The following IL17RC variants were observed in gnomAD, a reference collection of about 807,000 sequenced individuals.
The protein encoded by IL17RC is interleukin-17 receptor C.
Under a neutral mutation model 86.7 loss-of-function variants are expected in IL17RC, and 53 were observed. That is an observed-to-expected ratio of 0.61 (90% CI 0.49 to 0.77). The LOEUF (loss-of-function observed/expected upper bound fraction) is 0.77. IL17RC is among the 30% of genes least tolerant of loss of function. The pLI is 0.00. For missense variants in IL17RC, 957 were observed against 940.0 expected (o/e 1.02, Z -0.24); for synonymous variants, 439 against 413.1 (o/e 1.06, Z -0.76).
At chr3:9,929,973 T>A in intron 13 of IL17RC, 55 bp from the exon 14 acceptor site, 4 of 1,613,600 alleles carry the variant, frequency 2.5e-6, no homozygotes, top group Non-Finnish European at 3.4e-6. Context: ...GGCAGGCAAG[T>A]GGCCAATCCC....
intron 9 of IL17RC, among the ~76,000 whole-genome samples, chr3:9,926,460 G>C (rs917266580): frequency 2.6e-5 from 4 of 152,302 alleles, no homozygotes; most frequent in African/African-American, 9.6e-5. Context: ...AAATGAATGA[G>C]TGTTTTACTA....
At position 9,920,578 on chromosome 3, in the gene IL17RC, C is replaced by T; in HGVS notation, c.553C>T (p.Leu185Phe). The T allele has an allele frequency of 3.7e-6, 6 of 1,606,672 alleles. No individual in the cohort carries two copies. Among genetic ancestry groups the T allele is most frequent in the Non-Finnish European group, 4.3e-6 (5 of 1,175,676 alleles). Residue 185 changes from leucine (L) to phenylalanine (F), a missense_variant, in exon 6 of 19, where the codon CTC becomes TTC. Transcript: ENST00000403601. ...SYTQPRYEKELNHTQQLPDCR... is the reference protein window; with the variant it reads ...SYTQPRYEKEFNHTQQLPDCR... ...TACTCAGCCCAGGTACGAGAAGGAA[C>T]TCAACCACACACAGCAGCTGCCTGG...
Position 9,933,363 on chromosome 3 carries a change from G to A in IL17RC, c.1933G>A (p.Ala645Thr). The A allele has an allele frequency of 6.2e-7, 1 of 1,612,148 alleles. No homozygotes were observed. ...DRLLHPDAVP[A>T]LFRTVPVFTL... ...GCTGCTCCACCCGGACGCCGTACCC[G>A]CCCTTTTCCGCACCGTGCCCGTCTT... The change falls in exon 19 of 19, where the codon GCC (alanine) becomes ACC (threonine). Residue 645 changes from alanine (A) to threonine (T), a missense_variant. Transcript: ENST00000403601.
intron 12 of IL17RC, chr3:9,929,331 CAA>C (rs35752270): frequency 1.4e-4 from 19 of 131,854 alleles, no homozygotes; most frequent in South Asian, 2.3e-4. Context: ...AACTCCGTCT[CAA>C]AAAAAAAAAA....
intron 6 of IL17RC, 21 bp downstream of exon 6, chr3:9,920,623 T>A (rs1331362650): frequency 6.6e-7 from 1 of 1,508,888 alleles, no homozygotes; most frequent in East Asian, 2.3e-5. Flanking sequence ...CCCCAAGTCC[T>A]GGCCCCCTAG....
intron 9 of IL17RC, among the ~76,000 whole-genome samples, chr3:9,925,122 T>C (rs2083936652): frequency 6.6e-6 from 1 of 150,884 alleles, no homozygotes; most frequent in Admixed American, 6.6e-5. Flanking sequence ...CACTTTTTTT[T>C]TTTTTTTTTT....
Position 9,930,886 on chromosome 3 carries a change from A to G in IL17RC, c.1339-9A>G. The G allele has an allele frequency of 6.2e-7, 1 of 1,613,942 alleles. No individual in the cohort carries two copies. The highest frequency in any genetic ancestry group is 8.5e-7 in the Non-Finnish European group (1 of 1,179,780). ...GTGCCCTGGATTTGGTTCTGTTTGT[A>G]TCTTACAGCTATGGGACGATGACTT... is the stretch of plus-strand genomic sequence containing the variant. On this transcript the variant is annotated splice_polypyrimidine_tract_variant and intron_variant, in intron 15 of 18. Transcript: ENST00000403601. This position sits in a 1 kb window ranked among gnomAD's most constrained non-coding sequence, Gnocchi z 5.8.
At position 9,918,589 on chromosome 3, in the gene IL17RC, G is replaced by T. The variant is rs112627391; in HGVS notation, c.445G>T (p.Val149Leu). ...LLEVQVPAAL[V>L]QFGQSVGSVV... is the part of the protein sequence containing the mutation. ...GGAGGTGCAAGTGCCTGCTGCCCTT[G>T]TGCAGTTTGGTCAGTCTGTGGTATG... Residue 149 changes from valine to leucine, a missense_variant, in exon 5 of 19, where the codon GTG becomes TTG. Transcript: ENST00000403601. 1 of 1,613,616 alleles carries T rather than the reference G, an allele frequency of 6.2e-7. No individual in the cohort carries two copies.
intron 9 of IL17RC, among the ~76,000 whole-genome samples, chr3:9,925,342 T>A (rs1336872638): frequency 6.6e-6 from 1 of 151,920 alleles, no homozygotes; most frequent in Non-Finnish European, 1.5e-5. Context: ...GGTCTCGATC[T>A]CCTGACCTTA....
intron 7 of IL17RC, among the ~76,000 whole-genome samples, chr3:9,921,522 A>G (rs1180044201): frequency 1.3e-5 from 2 of 152,048 alleles, no homozygotes; most frequent in African/African-American, 2.4e-5. Context: ...CAAGGGTCTA[A>G]CTTTTTTCCC....
rs1283243539 is a variant in IL17RC at position 9,933,346 on chromosome 3, A to C, written c.1916A>C (p.His639Pro). 1 of 1,610,144 alleles carries C rather than the reference A, an allele frequency of 6.2e-7. No homozygotes were observed. The change falls in exon 19 of 19, where the codon CAC (histidine) becomes CCC (proline). Residue 639 changes from histidine (H) to proline (P), a missense_variant. Transcript: ENST00000403601. Reference sequence around the variant, plus strand: ...GGGGCCTGCTTCGACAGGCTGCTCCACCCGGACGCCGTACCCGCCCTTTTC... The same window carrying C: ...GGGGCCTGCTTCGACAGGCTGCTCCCCCCGGACGCCGTACCCGCCCTTTTC... ...YVGACFDRLLHPDAVPALFRT... is the reference protein window; with the variant it reads ...YVGACFDRLLPPDAVPALFRT...
chr3:9,921,456 AAAAAC>A (rs56964723), intron 7 of IL17RC, among the ~76,000 whole-genome samples: 4 of 149,752 alleles, frequency 2.7e-5, no homozygotes, highest in Admixed American at 6.7e-5. Context: ...CTCCGTCTCA[AAAAAC>A]AAAACAAAAC....
In IL17RC at chr3:9,917,173, C is replaced by T; in HGVS notation, c.-143C>T. On this transcript the variant is annotated 5_prime_UTR_variant, in exon 1 of 19. Transcript: ENST00000403601. The stretch of plus-strand genomic sequence containing the variant: ...GACAGAGAGTGCACAAACTACCCAG[C>T]ACAGCCCCCTCCGCCCCCTCTGGAG... 1 of 644,964 alleles carries T rather than the reference C, an allele frequency of 1.6e-6. No homozygotes were observed. The highest frequency in any genetic ancestry group is 2.7e-5 in the East Asian group (1 of 36,684). 40.0% of individuals were successfully genotyped at this position (644,964 alleles called of 1,614,324 possible).
chr3:9,924,126 A>T (rs1559303087), intron 8 of IL17RC, 106 bp downstream of exon 8: 1 of 1,608,964 alleles, frequency 6.2e-7, no homozygotes. Context: ...CACCCCAAGC[A>T]AGGGAAAATT....
chr3:9,918,264 A>T (rs1386231392), intron 3 of IL17RC, 71 bp from the exon 4 acceptor site: 3 of 1,439,658 alleles, frequency 2.1e-6, no homozygotes, highest in African/African-American at 2.8e-5. Flanking sequence ...TTCCAGAAGG[A>T]AGCCAACGCC....
rs762859085 is a variant in IL17RC, at chr3:9,928,436, C to A, written c.1009C>A (p.Pro337Thr). The change falls in exon 11 of 19, where the codon CCC becomes ACC. Residue 337 changes from proline to threonine, a missense_variant. Physicochemically the swap from Pro to Thr is conservative, Grantham distance 38. Transcript: ENST00000403601. ...GTGCTGGCGGGCTCCGGGTGGGGAC[C>A]CCTGCCAGCCACTGGTCCCACCGCT... ...ALCWRAPGGD[P>T]CQPLVPPLSW... 6.2e-7 allele frequency: 1 copy of A among 1,607,404 alleles called. No individual in the cohort carries two copies. Among genetic ancestry groups the A allele is most frequent in the African/African-American group, 1.3e-5 (1 of 74,904 alleles).
chr3:9,923,086 G>T (rs2083718276), intron 7 of IL17RC, among the ~76,000 whole-genome samples: 1 of 150,460 alleles, frequency 6.6e-6, no homozygotes, highest in South Asian at 2.1e-4. Context: ...TGAGGCAGGA[G>T]AATGGCTTGA....
Position 9,929,425 on chromosome 3 carries a change from T to C in IL17RC, c.1111-427T>C, listed in dbSNP as rs184124528. On this transcript the variant is annotated intron_variant, in intron 12 of 18. Coordinates refer to ENST00000403601, the MANE Select transcript of IL17RC (RefSeq NM_153460.4). ...ATAGACCCTAACATCTCTACCCTCA[T>C]AGAACTTATATTGTAATGGAGAAAG... 6.3e-3 allele frequency: 1,263 copies of C among 201,040 alleles called. 6 individuals carry two copies. Among genetic ancestry groups the C allele is most frequent in the Non-Finnish European group, 9.6e-3 (928 of 96,792 alleles). 12.5% of individuals were successfully genotyped at this position (201,040 alleles called of 1,614,324 possible).
Position 9,930,746 on chromosome 3 carries a change from C to A in IL17RC, c.1339-149C>A. On this transcript the variant is annotated intron_variant, in intron 15 of 18. Coordinates refer to ENST00000403601, the MANE Select transcript of IL17RC (RefSeq NM_153460.4). This position sits in a 1 kb window ranked among gnomAD's most constrained non-coding sequence, Gnocchi z 5.8. ...AAGAAGTCATACCCTAGTCAGTGGG[C>A]ACAGCACAAAGGCAGAGCAGCTGCA... 1 of 792,234 alleles carries A rather than the reference C, an allele frequency of 1.3e-6. No individual in the cohort carries two copies. 49.1% of individuals were successfully genotyped at this position (792,234 alleles called of 1,614,324 possible).
Sources: allele counts gnomAD v4.1 joint callset (sites outside exome capture counted in the v4.1 genomes callset), GRCh38; gene constraint gnomAD v4.1.1; non-coding constraint Gnocchi (gnomAD v3.1); transcripts MANE v1.5; gene names NCBI Gene and HGNC (gene_info 2026-07-23, HGNC 2026-07-21).